SGCZ: variants seen among roughly 807,000 people sequenced by gnomAD.
SGCZ encodes zeta-sarcoglycan.
A neutral mutation model predicts 41.3 loss-of-function variants in SGCZ; 40 were observed. That is an observed-to-expected ratio of 0.97 (90% CI 0.75 to 1.26). The LOEUF (loss-of-function observed/expected upper bound fraction) is 1.26, where lower values mean the gene tolerates loss of function less well. Ranked by LOEUF, SGCZ falls within the 50% of genes most tolerant of loss-of-function variation. The pLI is 0.00. For missense variants in SGCZ, 552 were observed against 369.8 expected, an observed-to-expected ratio of 1.49 and a Z score of -4.04; for synonymous variants, 206 against 137.5, an observed-to-expected ratio of 1.50 and a Z score of -3.49.
At chr8:14,990,098 C>T (rs963025685) in intron 1 of SGCZ, among the ~76,000 whole-genome samples, 2 of 152,158 alleles carry the variant, frequency 1.3e-5, no homozygotes, top group African/African-American at 2.4e-5. Context: ...CATGGTCAAA[C>T]GTTGCCCTGC....
intron 1 of SGCZ, among the ~76,000 whole-genome samples, chr8:14,910,545 G>C (rs1234876567): frequency 6.6e-6 from 1 of 151,480 alleles, no homozygotes; most frequent in Non-Finnish European, 1.5e-5. Context: ...GGCTGGTATT[G>C]ATAAACCATT....
At chr8:14,823,105 A>T (rs181630956) in intron 1 of SGCZ, among the ~76,000 whole-genome samples, 2 of 149,896 alleles carry the variant, frequency 1.3e-5, no homozygotes, top group Non-Finnish European at 3.0e-5. Context: ...CGTGCAAAAC[A>T]TGAAACCGTG....
intron 2 of SGCZ, among the ~76,000 whole-genome samples, chr8:14,325,882 G>A (rs917834569): frequency 2.0e-5 from 3 of 146,720 alleles, no homozygotes; most frequent in Non-Finnish European, 4.5e-5. Context: ...GAACGTAGAG[G>A]CGGGCGGATC....
chr8:14,471,933 C>A (rs149387035), intron 2 of SGCZ, among the ~76,000 whole-genome samples: 1 of 152,134 alleles, frequency 6.6e-6, no homozygotes, highest in African/African-American at 2.4e-5. Context: ...ATCTGAGATA[C>A]TGAGACATAC....
intron 1 of SGCZ, among the ~76,000 whole-genome samples, chr8:14,798,501 G>C (rs1420936902): frequency 1.3e-5 from 2 of 152,116 alleles, no homozygotes; most frequent in Non-Finnish European, 2.9e-5. Flanking sequence ...TGTACATGAA[G>C]ATGGTTATTA....
chr8:15,068,978 C>T (rs1216588878), intron 1 of SGCZ, among the ~76,000 whole-genome samples: 1 of 152,142 alleles, frequency 6.6e-6, no homozygotes, highest in Non-Finnish European at 1.5e-5. Context: ...ACAGTAAGAA[C>T]AGAATACAAC....
At chr8:14,639,677 C>G (rs1218925675) in intron 1 of SGCZ, among the ~76,000 whole-genome samples, 1 of 151,570 alleles carries the variant, frequency 6.6e-6, no homozygotes, top group African/African-American at 2.4e-5. Context: ...AGTATGAAAG[C>G]AATCATGAAT....
intron 1 of SGCZ, among the ~76,000 whole-genome samples, chr8:14,726,958 A>G (rs1325331318): frequency 6.6e-6 from 1 of 152,180 alleles, no homozygotes; most frequent in East Asian, 1.9e-4. Context: ...ATTCTGATTA[A>G]TTGAACTTTA....
In SGCZ at chr8:14,111,387, T is replaced by G. The variant is rs1352689950; in HGVS notation, c.548-3152A>C. Among the ~76,000 whole-genome samples the G allele has an allele frequency of 1.3e-5, 2 of 152,130 alleles. 1 individual carries two copies. Among genetic ancestry groups the G allele is most frequent in the Admixed American group, 1.3e-4 (2 of 15,266 alleles). On this transcript the variant is annotated intron_variant, in intron 5 of 7. Coordinates refer to ENST00000382080, the MANE Select transcript of SGCZ (RefSeq NM_139167.4). ...ACAGATCTGACTTACTTATGCTCAC[T>G]TAGAGAAAAGACAGACTGTCATGAA...
chr8:14,681,932 T>C (rs947239669), intron 1 of SGCZ, among the ~76,000 whole-genome samples: 3 of 152,108 alleles, frequency 2.0e-5, no homozygotes, highest in Non-Finnish European at 4.4e-5. Context: ...TAATGTTCCA[T>C]ATATTTTAAT....
chr8:14,646,513 A>G (rs1807222329), intron 1 of SGCZ, among the ~76,000 whole-genome samples: 1 of 151,830 alleles, frequency 6.6e-6, no homozygotes, highest in African/African-American at 2.4e-5. Flanking sequence ...TAGCGCTGTG[A>G]TGAACATACA....
At chr8:14,377,900 G>A (rs991201650) in intron 2 of SGCZ, among the ~76,000 whole-genome samples, 68 of 151,212 alleles carry the variant, frequency 4.5e-4, no homozygotes, top group Admixed American at 2.0e-3. Context: ...TGGTGTATAT[G>A]TGCCACATTT....
chr8:14,643,730 A>G (rs1374533036), intron 1 of SGCZ, among the ~76,000 whole-genome samples: 1 of 151,744 alleles, frequency 6.6e-6, no homozygotes, highest in Non-Finnish European at 1.5e-5. Context: ...TCTGAAAGAT[A>G]AACCAGGCCT....
chr8:14,435,862 G>A (rs7010096), intron 2 of SGCZ, among the ~76,000 whole-genome samples: 1 of 152,162 alleles, frequency 6.6e-6, no homozygotes. Context: ...ACATAAAAAG[G>A]CTTCAGTTTA....
At chr8:14,242,697 T>C (rs1395807526) in intron 3 of SGCZ, among the ~76,000 whole-genome samples, 2 of 152,158 alleles carry the variant, frequency 1.3e-5, no homozygotes, top group Admixed American at 6.5e-5. Context: ...GTTTCACAAA[T>C]AAGTATAGTA....
intron 1 of SGCZ, among the ~76,000 whole-genome samples, chr8:14,617,179 T>C (rs1806132569): frequency 6.6e-6 from 1 of 152,200 alleles, no homozygotes; most frequent in African/African-American, 2.4e-5. Context: ...AAAGCATTTC[T>C]GAAGGCAAAG....
At chr8:15,039,376 G>C (rs573394968) in intron 1 of SGCZ, among the ~76,000 whole-genome samples, 35 of 152,288 alleles carry the variant, frequency 2.3e-4, no homozygotes, top group African/African-American at 7.2e-4. Context: ...CAGGCACAGA[G>C]AGACAAATAC....
intron 1 of SGCZ, among the ~76,000 whole-genome samples, chr8:15,082,055 C>A (rs1039964186): frequency 3.1e-4 from 47 of 151,768 alleles, no homozygotes; most frequent in African/African-American, 1.1e-3. Context: ...ATGGTGAAAC[C>A]CCGCCTCTAC....
At chr8:14,432,914 C>CAAAAAAAAAAAAAAAAA (rs767979164) in intron 2 of SGCZ, among the ~76,000 whole-genome samples, 7 of 75,604 alleles carry the variant, frequency 9.3e-5, no homozygotes, top group African/African-American at 3.7e-4. Flanking sequence ...ACTGTGTCTC[C>CAAAAAAAAAAAAAAAAA]AAAAAAAAAA....
Sources: gnomAD v4.1 joint callset for allele counts (sites outside exome capture counted in the v4.1 genomes callset) on GRCh38, gnomAD v4.1.1 for gene constraint, MANE v1.5 for transcripts, NCBI Gene and HGNC (gene_info 2026-07-23, HGNC 2026-07-21) for gene names.